The following CENPE variants were observed in gnomAD, a reference collection of about 807,000 sequenced individuals.
The protein encoded by CENPE is centromere protein E, also known as centromere-associated protein E.
A neutral mutation model predicts 336.1 loss-of-function variants in CENPE; 145 were observed. The ratio of observed to expected loss-of-function variants is 0.43; its 90% CI spans 0.38 to 0.50. The LOEUF (loss-of-function observed/expected upper bound fraction) is 0.50. CENPE is among the 20% of genes least tolerant of loss of function. The probability of loss-of-function intolerance (pLI) is 0.00; values close to 1 mark genes in which losing one functional copy is unlikely to be tolerated. For missense variants in CENPE, 2,719 were observed against 3,023.3 expected, an observed-to-expected ratio of 0.90 and a Z score of 2.36; for synonymous variants, 1,013 against 984.8, an observed-to-expected ratio of 1.03 and a Z score of -0.54.
At chr4:103,183,009 T>C in intron 10 of CENPE, 118 bp from the exon 11 acceptor site, 2 of 1,091,250 alleles carry the variant, frequency 1.8e-6, no homozygotes, top group Non-Finnish European at 2.6e-6. Flanking sequence ...GTTTACAAGT[T>C]ATATGAGGCA....
intron 29 of CENPE, 29 bp downstream of exon 29, chr4:103,147,327 T>C (rs960700076): frequency 6.4e-7 from 1 of 1,558,016 alleles, no homozygotes; most frequent in African/African-American, 1.4e-5. Flanking sequence ...AAGACACTTG[T>C]TAAAATGGGA....
rs1283030926 is a variant in CENPE at position 103,113,510 on chromosome 4, TTATAATATATATTATA to T, written c.7540+929_7540+944del. Among the ~76,000 whole-genome samples, 233 of 140,542 alleles carry T rather than the reference TTATAATATATATTATA, an allele frequency of 1.7e-3. 3 individuals are homozygous for T. Among genetic ancestry groups the T allele is most frequent in the African/African-American group, 5.7e-3 (217 of 38,276 alleles). 92.2% of individuals were successfully genotyped at this position (140,542 alleles called of 152,430 possible). ...CTTATATATGTTATACTTATATATA[TTATAATATATATTATA>T]TATAATATATAACTTATATATAATA... On this transcript the variant is annotated intron_variant, in intron 46 of 48. Coordinates refer to ENST00000265148, the MANE Select transcript of CENPE (RefSeq NM_001813.3).
chr4:103,150,194 C>T (rs1405980456), intron 26 of CENPE, among the ~76,000 whole-genome samples: 1 of 152,070 alleles, frequency 6.6e-6, no homozygotes, highest in African/African-American at 2.4e-5. Context: ...TTGATTTTAC[C>T]TTTTTTATAG....
intron 4 of CENPE, 54 bp downstream of exon 4, chr4:103,195,866 C>T (rs1757693208): frequency 9.9e-7 from 1 of 1,006,584 alleles, no homozygotes; most frequent in African/African-American, 1.6e-5. Flanking sequence ...AGACTGGTAC[C>T]CAGTTTTTAC....
At position 103,149,297 on chromosome 4, in the gene CENPE, T is replaced by C. The variant is rs889053328; in HGVS notation, c.3508A>G (p.Lys1170Glu). The C allele has an allele frequency of 6.2e-7, 1 of 1,612,426 alleles. No individual in the cohort carries two copies. Among genetic ancestry groups the C allele is most frequent in the Non-Finnish European group, 8.5e-7 (1 of 1,179,672 alleles). The change falls in exon 27 of 49, where the codon AAA (lysine) becomes GAA (glutamate). Residue 1170 changes from lysine (K) to glutamate (E), a missense_variant. This residue lies in a region of CENPE where 2,437 missense variants were observed against 2,513.3 expected (regional missense o/e 0.97). Transcript: ENST00000265148. ...IENLKNELKNKELTLEHMETE... is the reference protein window; with the variant it reads ...IENLKNELKNEELTLEHMETE... ...TCCATATGTTCCAATGTCAATTCTTTGTTCTTTAATTCATTCTTTAAATTC... is the reference window on the plus strand; with the variant it reads ...TCCATATGTTCCAATGTCAATTCTTCGTTCTTTAATTCATTCTTTAAATTC...
chr4:103,116,029 C>G (rs1364602597), intron 45 of CENPE, among the ~76,000 whole-genome samples: 1 of 152,086 alleles, frequency 6.6e-6, no homozygotes, highest in African/African-American at 2.4e-5. Context: ...ACTTCAGTTT[C>G]CTTGACTCTC....
chr4:103,128,984 AG>A (rs549017005), intron 42 of CENPE, among the ~76,000 whole-genome samples: 6 of 152,190 alleles, frequency 3.9e-5, no homozygotes, highest in Non-Finnish European at 5.9e-5. Context: ...ACTAAGAAAA[AG>A]AAAAAGAATA....
Position 103,196,187 on chromosome 4 carries a change from C to A in CENPE, c.214G>T (p.Asp72Tyr). ...VYEEIAAPII[D>Y]SAIQGYNGTI... ...CCATTGTAGCCTTGTATGGCAGAAT[C>A]GATGATTGGTGCTGCTATTTCTTCA... The change falls in exon 3 of 49, where the codon GAT becomes TAT. Residue 72 changes from aspartate (D) to tyrosine (Y), a missense_variant. This residue lies in a region of CENPE where 106 missense variants were observed against 189.3 expected (regional missense o/e 0.56). Coordinates refer to ENST00000265148, the MANE Select transcript of CENPE (RefSeq NM_001813.3). 1 of 1,613,744 alleles carries A rather than the reference C, an allele frequency of 6.2e-7. No homozygotes were observed.
chr4:103,126,900 A>G (rs1751153810), intron 42 of CENPE, among the ~76,000 whole-genome samples: 1 of 152,128 alleles, frequency 6.6e-6, no homozygotes, highest in Admixed American at 6.5e-5. Flanking sequence ...AAAGACTGAA[A>G]AAATCCCTAA....
rs746503087 is a variant in CENPE at position 103,106,297 on chromosome 4, T to C, written c.8031A>G (p.Ala2677=). 4.4e-6 allele frequency: 7 copies of C among 1,593,532 alleles called. 1 individual carries two copies. The South Asian group carries it at 6.9e-5, about 16-fold the overall frequency. ...GLCPEVQNAG[A]ESVDSQPGPW... ...GACCTGGCTGAGAATCCACACTCTC[T>C]GCTCCTGCATTTTGCACCTCTGAGA... Residue 2677 remains alanine, a synonymous_variant, in exon 49 of 49, where the codon GCA becomes GCG. Coordinates refer to ENST00000265148, the MANE Select transcript of CENPE (RefSeq NM_001813.3).
Position 103,141,818 on chromosome 4 carries a change from C to T in CENPE, c.5395G>A (p.Glu1799Lys), listed in dbSNP as rs145216792. ...TIDKLRGIVS[E>K]KTDKLSNMQK... ...ATATTTGATAGTTTATCTGTCTTCT[C>T]AGAAACAATTCCTCTGAGTTTGTCA... The change falls in exon 35 of 49, where the codon GAG (glutamate) becomes AAG (lysine). Residue 1799 changes from glutamate to lysine, a missense_variant. This residue lies in a region of CENPE where 2,437 missense variants were observed against 2,513.3 expected (regional missense o/e 0.97). Transcript: ENST00000265148. 5 of 1,586,358 alleles carry T rather than the reference C, an allele frequency of 3.2e-6. No individual in the cohort carries two copies. Among genetic ancestry groups the T allele is most frequent in the Non-Finnish European group, 4.3e-6 (5 of 1,158,176 alleles).
chr4:103,155,332 C>A (rs1483659023), intron 24 of CENPE, among the ~76,000 whole-genome samples: 1 of 151,860 alleles, frequency 6.6e-6, no homozygotes, highest in African/African-American at 2.4e-5. Flanking sequence ...TTTTTTTAGA[C>A]AGGGTCTCAC....
At chr4:103,174,595 A>G in intron 16 of CENPE, 141 bp downstream of exon 16, 1 of 515,688 alleles carries the variant, frequency 1.9e-6, no homozygotes, top group Non-Finnish European at 3.2e-6. Flanking sequence ...AAAACATCAT[A>G]CATCATGTTG....
intron 24 of CENPE, among the ~76,000 whole-genome samples, chr4:103,155,886 A>G (rs1366475740): frequency 6.6e-6 from 1 of 152,194 alleles, no homozygotes; most frequent in East Asian, 1.9e-4. Flanking sequence ...ATTTGCTTTT[A>G]TTTAATAATG....
chr4:103,148,875 A>G lies in CENPE; in HGVS notation c.3812T>C (p.Leu1271Ser). Residue 1271 changes from leucine to serine, a missense_variant, in exon 28 of 49, where the codon TTA becomes TCA. Transcript: ENST00000265148. Reference protein sequence around the residue: ...KTAQIINTQDLEKSHTKLQEE... With the variant: ...KTAQIINTQDSEKSHTKLQEE... ...TTGTAATTTGGTATGGGATTTTTCT[A>G]AGTCCTGAGTATTTATTATTTGAGC... 2.5e-6 allele frequency: 4 copies of G among 1,612,986 alleles called. No homozygotes were observed. Among genetic ancestry groups the G allele is most frequent in the Non-Finnish European group, 3.4e-6 (4 of 1,179,468 alleles).
chr4:103,106,143 A>T lies in CENPE; in HGVS notation c.*79T>A. ...TGAAATTAAGCTGCACTACAACATC[A>T]TTACCAGGGATAGACACATAAACAA... On this transcript the variant is annotated 3_prime_UTR_variant, in exon 49 of 49. Transcript: ENST00000265148. The T allele has an allele frequency of 1.1e-6, 1 of 886,862 alleles. No homozygotes were observed. Among genetic ancestry groups the T allele is most frequent in the East Asian group, 2.8e-5 (1 of 35,972 alleles). The allele number at this position is 886,862 out of a possible 1,614,324, so 54.9% of individuals were successfully genotyped here.
chr4:103,185,389 G>A (rs1006485920), intron 9 of CENPE, among the ~76,000 whole-genome samples: 1 of 150,644 alleles, frequency 6.6e-6, no homozygotes, highest in African/African-American at 2.4e-5. Context: ...ACATCTTTTA[G>A]GTTATTATAA....
intron 39 of CENPE, among the ~76,000 whole-genome samples, chr4:103,136,699 A>C (rs1220079717): frequency 6.6e-6 from 1 of 152,248 alleles, no homozygotes. Context: ...GAGTAAATTC[A>C]ATTAAGTATG....
intron 28 of CENPE, among the ~76,000 whole-genome samples, chr4:103,148,326 T>C (rs1300949345): frequency 6.6e-6 from 1 of 152,212 alleles, no homozygotes; most frequent in Non-Finnish European, 1.5e-5. Flanking sequence ...TGGGCTCCAA[T>C]GCTATGTCTC....
Sources: allele counts gnomAD v4.1 joint callset (sites outside exome capture counted in the v4.1 genomes callset), GRCh38; gene constraint gnomAD v4.1.1; regional missense constraint gnomAD v4.1.1; transcripts MANE v1.5; gene names NCBI Gene and HGNC (gene_info 2026-07-23, HGNC 2026-07-21).